Variants in MED12L observed in about 807,000 individuals in gnomAD.
The protein encoded by MED12L is mediator complex subunit 12L.
Under a neutral mutation model 281.3 loss-of-function variants are expected in MED12L, and 60 were observed. The observed-to-expected ratio is 0.21, with a 90% CI of 0.17 to 0.26. The LOEUF is 0.26. Among genes scored for constraint, MED12L ranks in the 10% least tolerant of loss-of-function variants. The pLI is 1.00. For missense variants in MED12L, 2,146 were observed against 2,680.9 expected (o/e 0.80, Z 4.41); for synonymous variants, 974 against 987.2 (o/e 0.99, Z 0.25).
chr3:151,120,743 C>T (rs1039849967), intron 3 of MED12L, among the ~76,000 whole-genome samples: 2 of 152,130 alleles, frequency 1.3e-5, no homozygotes, highest in Non-Finnish European at 2.9e-5. Flanking sequence ...GGGAATGAGG[C>T]GGCTCTTTAC....
intron 16 of MED12L, among the ~76,000 whole-genome samples, chr3:151,307,533 C>CTGTGTG (rs67391329): frequency 3.6e-4 from 49 of 137,798 alleles, no homozygotes; most frequent in South Asian, 1.2e-3. Flanking sequence ...GTAACTTGCT[C>CTGTGTG]TGTGTGTGTG....
At chr3:151,115,839 C>T (rs1712686980) in intron 2 of MED12L, among the ~76,000 whole-genome samples, 1 of 151,518 alleles carries the variant, frequency 6.6e-6, no homozygotes. Context: ...CAGAGGATCA[C>T]TTGAGGTCAG....
At chr3:151,384,931 G>T in intron 35 of MED12L, 99 bp from the exon 36 acceptor site, 1 of 753,482 alleles carries the variant, frequency 1.3e-6, no homozygotes, top group Non-Finnish European at 2.4e-6. Flanking sequence ...GCTATAAAAA[G>T]GGAAATGTTT....
intron 11 of MED12L, among the ~76,000 whole-genome samples, chr3:151,168,358 A>G (rs1720981316): frequency 6.6e-6 from 1 of 152,196 alleles, no homozygotes; most frequent in South Asian, 2.1e-4. Context: ...GAAAGTTTTT[A>G]CTAAAAAAAC....
rs540727369 is a variant in MED12L, at chr3:151,102,862, G to C, written c.100-13476G>C. ...GGCTTCCTGCAGATGTGTGCTGAGC[G>C]TGGGGTCAGAGATGGAATTGAGGTG... On this transcript the variant is annotated intron_variant, in intron 2 of 44. Transcript: ENST00000687756. 2.0e-5 allele frequency among the ~76,000 whole-genome samples: 3 copies of C among 152,234 alleles called. No individual in the cohort carries two copies. In the South Asian group the frequency reaches 6.2e-4, roughly 32 times the overall value.
At chr3:151,357,810 A>G (rs1482730201) in intron 20 of MED12L, among the ~76,000 whole-genome samples, 1 of 152,222 alleles carries the variant, frequency 6.6e-6, no homozygotes. Context: ...TTCTTTGATT[A>G]AAGATATCTT....
chr3:151,313,839 G>A (rs189012876), intron 16 of MED12L, among the ~76,000 whole-genome samples: 16 of 151,942 alleles, frequency 1.1e-4, no homozygotes, highest in East Asian at 5.8e-4. Context: ...CAGGAGAATC[G>A]CTTGAACGCA....
chr3:151,189,288 T>G (rs1226916547), intron 13 of MED12L, among the ~76,000 whole-genome samples: 2 of 152,142 alleles, frequency 1.3e-5, no homozygotes, highest in Non-Finnish European at 2.9e-5. Flanking sequence ...AAGGGCTCTC[T>G]CAGTTATTTG....
intron 16 of MED12L, among the ~76,000 whole-genome samples, chr3:151,206,758 C>T (rs1365540488): frequency 1.4e-5 from 2 of 140,632 alleles, no homozygotes; most frequent in Non-Finnish European, 3.0e-5. Context: ...CGTTCTCCTG[C>T]CTCAGCCTCC....
rs557043245 is a variant in MED12L at position 151,338,482 on chromosome 3, G to A, written c.2251-11577G>A. Reference sequence around the variant, plus strand: ...AATGGCCTGGTGGTCTTCTGGTAGCGATCGATAGTTATCAGTCCCAGGAAT... The same window carrying A: ...AATGGCCTGGTGGTCTTCTGGTAGCAATCGATAGTTATCAGTCCCAGGAAT... On this transcript the variant is annotated intron_variant, in intron 16 of 44. Transcript: ENST00000687756. 51 of 1,613,828 alleles carry A rather than the reference G, an allele frequency of 3.2e-5. No homozygotes were observed. Among genetic ancestry groups the A allele is most frequent in the South Asian group, 2.2e-4 (20 of 91,052 alleles).
chr3:151,324,838 G>A (rs766318735), intron 16 of MED12L, among the ~76,000 whole-genome samples: 1 of 152,188 alleles, frequency 6.6e-6, no homozygotes, highest in African/African-American at 2.4e-5. Context: ...CAAATGTTGA[G>A]ATGTGTTTCT....
Position 151,434,215 on chromosome 3 carries a change from T to TA in MED12L, c.*1414dup, listed in dbSNP as rs1327107832. 6.6e-6 allele frequency: 1 copy of TA among 152,232 alleles called. No individual in the cohort carries two copies. Among genetic ancestry groups the TA allele is most frequent in the African/African-American group, 2.4e-5 (1 of 41,470 alleles). The allele number at this position is 152,232 out of a possible 1,614,324, so 9.4% of individuals were successfully genotyped here. A position where few individuals can be genotyped will look rare whatever the true frequency, so the allele number is the denominator to read the frequency against. ...ACTTGTCTATAATGAGCAGACCATG[T>TA]AAATCTACTTTTTTTAAAATGTAGC... On this transcript the variant is annotated 3_prime_UTR_variant, in exon 45 of 45. Coordinates refer to ENST00000687756, the MANE Select transcript of MED12L (RefSeq NM_001393769.1).
At position 151,296,991 on chromosome 3, in the gene MED12L, C is replaced by G. The variant is rs547512985; in HGVS notation, c.2251-53068C>G. Among the ~76,000 whole-genome samples the G allele has an allele frequency of 7.9e-5, 12 of 152,234 alleles. No individual in the cohort carries two copies. The East Asian group carries it at 2.1e-3, about 27-fold the overall frequency. On this transcript the variant is annotated intron_variant, in intron 16 of 44. Coordinates refer to ENST00000687756, the MANE Select transcript of MED12L (RefSeq NM_001393769.1). ...AATCCAAAAACAGATTCCTAAATTGCTGCTTGACATCTAAGTGCAGGCTCT... is the reference window on the plus strand; with the variant it reads ...AATCCAAAAACAGATTCCTAAATTGGTGCTTGACATCTAAGTGCAGGCTCT...
At chr3:151,406,032 T>C (rs993749069) in intron 39 of MED12L, among the ~76,000 whole-genome samples, 3 of 152,188 alleles carry the variant, frequency 2.0e-5, no homozygotes, top group Non-Finnish European at 2.9e-5. Flanking sequence ...TAATTAAAAA[T>C]AAAGCTTAAA....
In MED12L at chr3:151,354,007, G is replaced by A. The variant is rs1013258413; in HGVS notation, c.2399-1114G>A. ...ATACAAAAAATTAGCCGGGCGTAGT[G>A]GCGGGCGCCTGTAGTCCCAGCTACT... On this transcript the variant is annotated intron_variant, in intron 17 of 44. Coordinates refer to ENST00000687756, the MANE Select transcript of MED12L (RefSeq NM_001393769.1). 7.3e-5 allele frequency among the ~76,000 whole-genome samples: 8 copies of A among 109,892 alleles called. No homozygotes were observed. In the South Asian group the frequency reaches 2.2e-3, roughly 30 times the overall value. 72.1% of individuals were successfully genotyped at this position (109,892 alleles called of 152,430 possible). A position where few individuals can be genotyped will look rare whatever the true frequency, so the allele number is the denominator to read the frequency against.
chr3:151,135,651 A>G (rs1413983392), intron 5 of MED12L, among the ~76,000 whole-genome samples: 2 of 152,118 alleles, frequency 1.3e-5, no homozygotes, highest in Non-Finnish European at 2.9e-5. Context: ...CTGTGAGGTG[A>G]TAGCTGCTGG....
intron 11 of MED12L, among the ~76,000 whole-genome samples, chr3:151,174,600 A>G (rs1019189521): frequency 6.6e-6 from 1 of 152,242 alleles, no homozygotes; most frequent in East Asian, 1.9e-4. Flanking sequence ...AAAGACTATC[A>G]ACATTGATTT....
chr3:151,175,988 T>C (rs1721993160), intron 11 of MED12L, among the ~76,000 whole-genome samples: 1 of 152,222 alleles, frequency 6.6e-6, no homozygotes, highest in South Asian at 2.1e-4. Flanking sequence ...TCATTTTCTC[T>C]TGTTTGCTGT....
intron 32 of MED12L, among the ~76,000 whole-genome samples, chr3:151,381,919 A>G (rs918726673): frequency 6.6e-6 from 1 of 152,148 alleles, no homozygotes; most frequent in African/African-American, 2.4e-5. Context: ...CTCTTTTAAG[A>G]TGACTCTCAT....
Sources: allele counts gnomAD v4.1 joint callset (sites outside exome capture counted in the v4.1 genomes callset), GRCh38; gene constraint gnomAD v4.1.1; transcripts MANE v1.5; gene names NCBI Gene and HGNC (gene_info 2026-07-23, HGNC 2026-07-21).